The following SMG6 variants were observed in gnomAD, a reference collection of about 807,000 sequenced individuals.
SMG6 encodes SMG6 nonsense mediated mRNA decay factor.
Under a neutral mutation model 142.2 loss-of-function variants are expected in SMG6, and 66 were observed. That is an observed-to-expected ratio of 0.46 (90% CI 0.38 to 0.57). The LOEUF is 0.57. Ranked by LOEUF, SMG6 falls within the 20% of genes least tolerant of loss-of-function variation. The pLI is 0.00. For synonymous variants in SMG6, 779 were observed against 702.4 expected (o/e 1.11, Z -1.72); for missense variants, 1,793 against 1,832.0 (o/e 0.98, Z 0.39).
At chr17:2,076,381 C>T (rs966675780) in intron 15 of SMG6, among the ~76,000 whole-genome samples, 2 of 152,190 alleles carry the variant, frequency 1.3e-5, no homozygotes, top group African/African-American at 4.8e-5. Flanking sequence ...CAGCTAGGAG[C>T]CTCTCCCCAA....
intron 6 of SMG6, 73 bp downstream of exon 6, chr17:2,292,479 C>T: frequency 7.1e-7 from 1 of 1,406,820 alleles, no homozygotes; most frequent in Non-Finnish European, 1.0e-6. Context: ...GCTCCAGGAA[C>T]TGATATTATC....
intron 8 of SMG6, among the ~76,000 whole-genome samples, chr17:2,273,144 A>G (rs2074575019): frequency 6.6e-6 from 1 of 152,190 alleles, no homozygotes; most frequent in South Asian, 2.1e-4. Context: ...TAGTGCTGTT[A>G]GGCAGTGAGC....
At chr17:2,225,276 G>A (rs1002738017) in intron 10 of SMG6, among the ~76,000 whole-genome samples, 101 of 149,956 alleles carry the variant, frequency 6.7e-4, no homozygotes, top group African/African-American at 2.1e-3. Flanking sequence ...TCAGGAGTTC[G>A]AGACCAACCT....
intron 13 of SMG6, among the ~76,000 whole-genome samples, chr17:2,112,057 G>A (rs1258441398): frequency 3.9e-5 from 6 of 152,100 alleles, no homozygotes; most frequent in Non-Finnish European, 8.8e-5. Context: ...TCTTACAGAA[G>A]TGCCAAGGTC....
intron 6 of SMG6, among the ~76,000 whole-genome samples, chr17:2,290,826 A>C (rs897338490): frequency 5.3e-5 from 8 of 152,360 alleles, no homozygotes; most frequent in Middle Eastern, 3.4e-3. Context: ...TCACTGAATA[A>C]GATATGTAGA....
At chr17:2,287,988 T>C (rs529651169) in intron 6 of SMG6, among the ~76,000 whole-genome samples, 2 of 152,280 alleles carry the variant, frequency 1.3e-5, no homozygotes, top group East Asian at 1.9e-4. Flanking sequence ...ACAATATGAA[T>C]GTACGTAATG....
chr17:2,100,475 T>C (rs909004311), intron 13 of SMG6, among the ~76,000 whole-genome samples: 16 of 151,826 alleles, frequency 1.1e-4, no homozygotes, highest in Non-Finnish European at 2.9e-5. Context: ...TGCCCGACTT[T>C]GTTTGTTTTC....
At chr17:2,228,287 G>A (rs1396335488) in intron 10 of SMG6, among the ~76,000 whole-genome samples, 3 of 151,950 alleles carry the variant, frequency 2.0e-5, no homozygotes, top group Non-Finnish European at 2.9e-5. Flanking sequence ...GGAGTACAGT[G>A]GCACAATCTT....
intron 13 of SMG6, among the ~76,000 whole-genome samples, chr17:2,150,489 G>A (rs537378690): frequency 2.0e-5 from 3 of 149,936 alleles, no homozygotes; most frequent in South Asian, 2.1e-4. Flanking sequence ...GGGGTAGCTC[G>A]CCTCTAGGTG....
At chr17:2,155,652 G>A (rs1452440995) in intron 13 of SMG6, among the ~76,000 whole-genome samples, 1 of 152,138 alleles carries the variant, frequency 6.6e-6, no homozygotes, top group Non-Finnish European at 1.5e-5. Flanking sequence ...TGATCTCCAC[G>A]CCTCTGCTTC....
intron 10 of SMG6, among the ~76,000 whole-genome samples, chr17:2,225,310 T>C (rs2984948): frequency 1 from 149,932 of 149,934 alleles, 74,965 homozygotes; most frequent in Non-Finnish European, 1. Context: ...AACTCCATCT[T>C]TACTAAAAAT....
At position 2,172,685 on chromosome 17, in the gene SMG6, G is replaced by C; in HGVS notation, c.3330C>G (p.Pro1110=). ...TATCCGAGGTTTTCTCCACGTAGCA[G>C]GGGTCCTGAGGGGCAGCCAGCAAGG... is the stretch of plus-strand genomic sequence containing the variant. ...FVPLLAAPQD[P]CYVEKTSDKV... Residue 1110 remains proline (P), a synonymous_variant, in exon 13 of 19, where the codon CCC becomes CCG. Coordinates refer to ENST00000263073, the MANE Select transcript of SMG6 (RefSeq NM_017575.5). 6.2e-7 allele frequency: 1 copy of C among 1,613,888 alleles called. No homozygotes were observed. Among genetic ancestry groups the C allele is most frequent in the Non-Finnish European group, 8.5e-7 (1 of 1,180,018 alleles).
intron 8 of SMG6, among the ~76,000 whole-genome samples, chr17:2,268,780 C>T (rs921348571): frequency 1.2e-4 from 18 of 149,128 alleles, no homozygotes; most frequent in Middle Eastern, 3.6e-3. Flanking sequence ...GGCATGGTGG[C>T]GGGCACCTGT....
intron 9 of SMG6, among the ~76,000 whole-genome samples, chr17:2,241,291 C>A (rs1052561699): frequency 1.3e-5 from 2 of 152,002 alleles, no homozygotes; most frequent in African/African-American, 4.8e-5. Flanking sequence ...TTTTTAAAGG[C>A]CTCCAAAAAA....
intron 13 of SMG6, among the ~76,000 whole-genome samples, chr17:2,126,939 C>CACACAT (rs1567618490): frequency 6.6e-6 from 1 of 151,730 alleles, no homozygotes; most frequent in African/African-American, 2.4e-5. Flanking sequence ...TGCACACATG[C>CACACAT]GCACACATGC....
At chr17:2,165,426 T>C (rs550463420) in intron 13 of SMG6, among the ~76,000 whole-genome samples, 1 of 152,384 alleles carries the variant, frequency 6.6e-6, no homozygotes, top group African/African-American at 2.4e-5. Context: ...TTGAGGTTAA[T>C]GACTTGCTAA....
chr17:2,242,691 A>T (rs1273307646), intron 9 of SMG6, among the ~76,000 whole-genome samples: 8 of 2,746 alleles, frequency 2.9e-3, no homozygotes, highest in African/African-American at 3.8e-3. Context: ...CATCTCTTTA[A>T]AAAAAAAAAA....
intron 10 of SMG6, among the ~76,000 whole-genome samples, chr17:2,224,446 T>G (rs780960077): frequency 2.1e-4 from 32 of 152,108 alleles, no homozygotes; most frequent in Non-Finnish European, 4.7e-4. Flanking sequence ...AATAAAAAAT[T>G]TATTAAAATT....
intron 8 of SMG6, among the ~76,000 whole-genome samples, chr17:2,272,924 T>A (rs2074570063): frequency 6.6e-6 from 1 of 151,108 alleles, no homozygotes; most frequent in East Asian, 1.9e-4. Flanking sequence ...AGAGAAACTC[T>A]GTCTCAAAAA....
Sources: allele counts gnomAD v4.1 joint callset (sites outside exome capture counted in the v4.1 genomes callset), GRCh38; gene constraint gnomAD v4.1.1; transcripts MANE v1.5; gene names NCBI Gene and HGNC (gene_info 2026-07-23, HGNC 2026-07-21).